WNT5B: variants seen among roughly 807,000 people sequenced by gnomAD.
WNT5B encodes Wnt family member 5B.
A neutral mutation model predicts 36.5 loss-of-function variants in WNT5B; 18 were observed. That is an observed-to-expected ratio of 0.49 (90% CI 0.34 to 0.73). WNT5B has a LOEUF of 0.73. Ranked by LOEUF, WNT5B falls within the 30% of genes least tolerant of loss-of-function variation. WNT5B has a pLI of 0.01. For missense variants in WNT5B, 424 were observed against 508.4 expected, an observed-to-expected ratio of 0.83 and a Z score of 1.60; for synonymous variants, 213 against 212.3, an observed-to-expected ratio of 1.00 and a Z score of -0.03.
upstream of WNT5B, among the ~76,000 whole-genome samples, chr12:1,626,418 C>T (rs548928201): frequency 4.1e-4 from 62 of 151,856 alleles, no homozygotes; most frequent in African/African-American, 9.4e-4. Context: ...TATGTGCCAC[C>T]GTGCCTGGCT....
intron 1 of WNT5B, 168 bp from the exon 2 acceptor site, chr12:1,631,130 G>T: frequency 2.0e-6 from 1 of 503,766 alleles, no homozygotes; most frequent in Non-Finnish European, 3.4e-6. Context: ...GAAGTCCTAG[G>T]GTGGGAAGAT....
intron 3 of WNT5B, among the ~76,000 whole-genome samples, chr12:1,638,178 G>A (rs1361329450): frequency 6.6e-6 from 1 of 152,090 alleles, no homozygotes; most frequent in Admixed American, 6.5e-5. Flanking sequence ...CCCGTGAGGC[G>A]GAGCTTGCGG....
chr12:1,619,984 C>T (rs556849244), intron 1 of WNT5B, among the ~76,000 whole-genome samples: 2 of 152,124 alleles, frequency 1.3e-5, no homozygotes, highest in Non-Finnish European at 2.9e-5. Context: ...GTACTTTCCG[C>T]CAAGAAAATA....
At position 1,646,074 on chromosome 12, in the gene WNT5B, GC is replaced by G. The variant is rs2094585123; in HGVS notation, c.904del (p.Arg302AlafsTer82). 2.5e-6 allele frequency: 4 copies of G among 1,613,620 alleles called. No homozygotes were observed. In the African/African-American group the frequency reaches 5.3e-5, roughly 22 times the overall value. The part of the protein sequence containing the change: ...NESTGSLGTQ[G>X]RLCNKTSEGM... The stretch of plus-strand genomic sequence containing the variant: ...AGCACGGGCTCCCTGGGCACGCAGG[GC>G]CGCCTCTGCAACAAGACCTCGGAGG... On this transcript the variant is annotated frameshift_variant, in exon 5 of 5. Transcript: ENST00000397196. LOFTEE classifies it high-confidence loss of function.
In WNT5B at chr12:1,630,797, G is replaced by C. The variant is rs564485998; in HGVS notation, c.-57-501G>C. On this transcript the variant is annotated intron_variant, in intron 1 of 4. Transcript: ENST00000397196. The surrounding 1 kb of genome is among the most constrained non-coding windows in gnomAD (Gnocchi z 5.3). ...AGATGGAGAGGGGAGACTCCTCCCT[G>C]GGTGCAGGTAAATCCAATTCACCAA... 1 of 153,072 alleles carries C rather than the reference G, an allele frequency of 6.5e-6. No individual in the cohort carries two copies. Among genetic ancestry groups the C allele is most frequent in the Admixed American group, 6.5e-5 (1 of 15,366 alleles). 9.5% of individuals were successfully genotyped at this position (153,072 alleles called of 1,614,324 possible). A position where few individuals can be genotyped will look rare whatever the true frequency, so the allele number is the denominator to read the frequency against.
chr12:1,632,730 TCCCGGG>T lies in WNT5B; in HGVS notation c.155_160del (p.Pro52_Gly53del). The T allele has an allele frequency of 6.2e-7, 1 of 1,613,846 alleles. No individual in the cohort carries two copies. The highest frequency in any genetic ancestry group is 8.5e-7 in the Non-Finnish European group (1 of 1,179,796). On this transcript the variant is annotated inframe_deletion, in exon 3 of 5. Transcript: ENST00000397196. The surrounding 1 kb of genome is among the most constrained non-coding windows in gnomAD (Gnocchi z 5.8). Reference sequence around the variant, plus strand: ...GTGCCCAGCCCGTGTGCAGTCAGCTTCCCGGGCTCTCCCCTGGCCAGAGGAAGCTGT... The same window carrying T: ...GTGCCCAGCCCGTGTGCAGTCAGCTTCTCTCCCCTGGCCAGAGGAAGCTGT...
intron 3 of WNT5B, among the ~76,000 whole-genome samples, chr12:1,636,788 T>C (rs1465814990): frequency 6.6e-6 from 1 of 151,624 alleles, no homozygotes; most frequent in Non-Finnish European, 1.5e-5. Context: ...TGATCTCGGC[T>C]CACTGCAACC....
In WNT5B at chr12:1,630,205, C is replaced by A; in HGVS notation, c.-58+834C>A. On this transcript the variant is annotated intron_variant, in intron 1 of 4. Coordinates refer to ENST00000397196, the MANE Select transcript of WNT5B (RefSeq NM_032642.3). The surrounding 1 kb of genome is among the most constrained non-coding windows in gnomAD (Gnocchi z 5.3). ...GCGAGAGTGGCGCAGTGAGCCGGGGCGCGCGGGGCTGCGCTCGTCAGGTCC... is the reference window on the plus strand; with the variant it reads ...GCGAGAGTGGCGCAGTGAGCCGGGGAGCGCGGGGCTGCGCTCGTCAGGTCC... 1 of 985,352 alleles carries A rather than the reference C, an allele frequency of 1.0e-6. No homozygotes were observed. 61.0% of individuals were successfully genotyped at this position (985,352 alleles called of 1,614,324 possible). A position where few individuals can be genotyped will look rare whatever the true frequency, so the allele number is the denominator to read the frequency against.
intron 3 of WNT5B, among the ~76,000 whole-genome samples, chr12:1,637,109 C>A (rs982462576): frequency 3.3e-5 from 5 of 152,168 alleles, no homozygotes; most frequent in African/African-American, 1.2e-4. Flanking sequence ...GTCTCGGCCT[C>A]AAATTGCTGG....
At chr12:1,617,298 T>C (rs2094528184) in intron 1 of WNT5B, among the ~76,000 whole-genome samples, 1 of 106,626 alleles carries the variant, frequency 9.4e-6, no homozygotes, top group Non-Finnish European at 1.9e-5. Flanking sequence ...GATTATCATA[T>C]ATGTAATATA....
At chr12:1,641,439 C>T (rs2094575126) in intron 4 of WNT5B, among the ~76,000 whole-genome samples, 1 of 150,894 alleles carries the variant, frequency 6.6e-6, no homozygotes, top group Non-Finnish European at 1.5e-5. Context: ...ACGGTGGCAC[C>T]CTGGTGATTC....
At chr12:1,642,366 A>G (rs1195107961) in intron 4 of WNT5B, among the ~76,000 whole-genome samples, 3 of 151,992 alleles carry the variant, frequency 2.0e-5, no homozygotes, top group African/African-American at 7.2e-5. Context: ...CCCAGTCCCC[A>G]TTGTTAGTAG....
intron 4 of WNT5B, among the ~76,000 whole-genome samples, chr12:1,642,653 G>A (rs1255204612): frequency 6.6e-6 from 1 of 152,084 alleles, no homozygotes; most frequent in East Asian, 1.9e-4. Flanking sequence ...CCTGTGATCA[G>A]GCAGGTGACA....
At position 1,635,147 on chromosome 12, in the gene WNT5B, G is replaced by A. The variant is rs548178495; in HGVS notation, c.328+2242G>A. ...GTGAAGGCAGAGCTGCCCACACTCA[G>A]CTTCTGATGAAGACCCGACTGAAAG... is the stretch of plus-strand genomic sequence containing the variant. On this transcript the variant is annotated intron_variant, in intron 3 of 4. Coordinates refer to ENST00000397196, the MANE Select transcript of WNT5B (RefSeq NM_032642.3). 2.8e-4 allele frequency among the ~76,000 whole-genome samples: 42 copies of A among 152,334 alleles called. 1 individual carries two copies. In the South Asian group the frequency reaches 3.7e-3, roughly 14 times the overall value.
At chr12:1,637,340 G>A (rs189922381) in intron 3 of WNT5B, among the ~76,000 whole-genome samples, 2 of 152,086 alleles carry the variant, frequency 1.3e-5, no homozygotes, top group African/African-American at 2.4e-5. Context: ...GCATACTTTC[G>A]AGATATTGTG....
At chr12:1,629,916 C>G (rs1241107659) in intron 1 of WNT5B, 1 of 158,090 alleles carries the variant, frequency 6.3e-6, no homozygotes, top group Non-Finnish European at 1.4e-5. Context: ...CGAGCTGGCT[C>G]TGCATGACAA....
At chr12:1,643,096 A>T (rs1266842807) in intron 4 of WNT5B, among the ~76,000 whole-genome samples, 2 of 151,742 alleles carry the variant, frequency 1.3e-5, no homozygotes, top group Admixed American at 1.3e-4. Context: ...CCAGGATCTG[A>T]TGTCTTGACA....
chr12:1,637,581 C>CAAAA (rs61542245), intron 3 of WNT5B, among the ~76,000 whole-genome samples: 1 of 110,400 alleles, frequency 9.1e-6, no homozygotes, highest in Non-Finnish European at 1.8e-5. Context: ...ACTAAACATA[C>CAAAA]AAAAAAAAAA....
At chr12:1,626,110 C>T (rs2094540652), upstream of WNT5B, among the ~76,000 whole-genome samples, 1 of 151,884 alleles carries the variant, frequency 6.6e-6, no homozygotes, top group African/African-American at 2.4e-5. Flanking sequence ...TCCCAGGCAC[C>T]ACCATGCTCG....
Sources: gnomAD v4.1 joint callset for allele counts (sites outside exome capture counted in the v4.1 genomes callset) on GRCh38, gnomAD v4.1.1 for gene constraint, Gnocchi (gnomAD v3.1) non-coding constraint, MANE v1.5 for transcripts, NCBI Gene and HGNC (gene_info 2026-07-23, HGNC 2026-07-21) for gene names.